The following PIK3AP1 variants were observed in gnomAD, a reference collection of about 807,000 sequenced individuals.
The protein encoded by PIK3AP1 is phosphoinositide 3-kinase adapter protein 1.
In PIK3AP1, 21 loss-of-function variants were observed where a neutral mutation model predicts 88.1. The observed-to-expected ratio is 0.24, with a 90% confidence interval of 0.17 to 0.34. PIK3AP1 has a LOEUF of 0.34. Ranked by LOEUF, PIK3AP1 falls within the 10% of genes least tolerant of loss-of-function variation. The pLI, the probability that PIK3AP1 is intolerant of heterozygous loss-of-function variation, is 1.00. For missense variants in PIK3AP1, 828 were observed against 1,035.7 expected (o/e 0.80, Z 2.75); for synonymous variants, 398 against 400.0 (o/e 1.00, Z 0.06).
At chr10:96,652,067 G>A (rs1003917140) in intron 4 of PIK3AP1, among the ~76,000 whole-genome samples, 28 of 151,978 alleles carry the variant, frequency 1.8e-4, no homozygotes, top group African/African-American at 6.8e-4. Flanking sequence ...CTGGCTCACT[G>A]CAAGTCATGA....
intron 6 of PIK3AP1, among the ~76,000 whole-genome samples, chr10:96,650,846 G>C (rs1843527533): frequency 6.6e-6 from 1 of 152,216 alleles, no homozygotes; most frequent in Non-Finnish European, 1.5e-5. Flanking sequence ...AGTGTGGAGA[G>C]AGATGAGGGC....
At position 96,704,628 on chromosome 10, in the gene PIK3AP1, G is replaced by A. The variant is rs905892742; in HGVS notation, c.430+4939C>T. Among the ~76,000 whole-genome samples, 8 of 151,880 alleles carry A rather than the reference G, an allele frequency of 5.3e-5. No individual in the cohort carries two copies. The East Asian group carries it at 1.5e-3, about 29-fold the overall frequency. ...ATCTACTTGGGAGGCTGAGGCAGGA[G>A]AATTGCTCGAACCCAGGGAGGCAGA... On this transcript the variant is annotated intron_variant, in intron 2 of 16. Coordinates refer to ENST00000339364, the MANE Select transcript of PIK3AP1 (RefSeq NM_152309.3).
rs190360129 is a variant in PIK3AP1, at chr10:96,608,706, T to C, written c.2170+1006A>G. ...ACATGCATACACCTGTGCATGTATC[T>C]GGGGGACACAGCCAAAGTATGTATC... On this transcript the variant is annotated intron_variant, in intron 14 of 16. Transcript: ENST00000339364. Among the ~76,000 whole-genome samples, 94 of 152,330 alleles carry C rather than the reference T, an allele frequency of 6.2e-4. 1 individual carries two copies. Among genetic ancestry groups the C allele is most frequent in the Non-Finnish European group, 5.7e-4 (39 of 68,038 alleles).
chr10:96,642,078 C>G (rs910217577), intron 8 of PIK3AP1, among the ~76,000 whole-genome samples: 6 of 152,070 alleles, frequency 3.9e-5, no homozygotes, highest in African/African-American at 1.2e-4. Flanking sequence ...GACAGAAACA[C>G]AAACCAAACC....
intron 14 of PIK3AP1, among the ~76,000 whole-genome samples, chr10:96,605,645 G>A (rs1848989807): frequency 1.3e-5 from 2 of 152,174 alleles, no homozygotes; most frequent in Admixed American, 6.5e-5. Context: ...CTGCATTCTG[G>A]TATCAACTTT....
chr10:96,645,242 C>T (rs866290105), intron 8 of PIK3AP1, among the ~76,000 whole-genome samples: 2 of 152,172 alleles, frequency 1.3e-5, no homozygotes, highest in Non-Finnish European at 2.9e-5. Context: ...TCAATTCTGA[C>T]TTCCAGATAT....
chr10:96,665,056 G>A (rs929707028), intron 2 of PIK3AP1, among the ~76,000 whole-genome samples: 3 of 152,122 alleles, frequency 2.0e-5, no homozygotes, highest in African/African-American at 7.2e-5. Context: ...CCTGAGACTC[G>A]AATAATAATG....
intron 7 of PIK3AP1, among the ~76,000 whole-genome samples, chr10:96,647,690 C>A (rs1843478715): frequency 6.6e-6 from 1 of 152,198 alleles, no homozygotes; most frequent in African/African-American, 2.4e-5. Flanking sequence ...TTTTCCAACA[C>A]AGAGCAGAGA....
chr10:96,679,589 A>G (rs960225059), intron 2 of PIK3AP1, among the ~76,000 whole-genome samples: 2 of 152,222 alleles, frequency 1.3e-5, no homozygotes, highest in African/African-American at 4.8e-5. Flanking sequence ...CCAACCTTGC[A>G]GAATCTGTTA....
intron 8 of PIK3AP1, among the ~76,000 whole-genome samples, chr10:96,635,646 T>C (rs1396455046): frequency 1.3e-5 from 2 of 152,242 alleles, no homozygotes; most frequent in Non-Finnish European, 2.9e-5. Context: ...GACTCATGTC[T>C]GTAATCCCAG....
intron 2 of PIK3AP1, among the ~76,000 whole-genome samples, chr10:96,670,062 C>T (rs1382089836): frequency 1.3e-5 from 2 of 150,056 alleles, no homozygotes; most frequent in African/African-American, 4.9e-5. Context: ...GTAGTCCCAG[C>T]TACTCGGGAA....
At chr10:96,618,613 GAA>G (rs1825896309) in intron 12 of PIK3AP1, 2 of 149,770 alleles carry the variant, frequency 1.3e-5, no homozygotes, top group East Asian at 3.9e-4. Flanking sequence ...AAGAAAAAAA[GAA>G]AGAGAGCTAA....
At chr10:96,714,837 T>C (rs987521466) in intron 1 of PIK3AP1, among the ~76,000 whole-genome samples, 3 of 152,192 alleles carry the variant, frequency 2.0e-5, no homozygotes, top group Non-Finnish European at 4.4e-5. Flanking sequence ...CAGGAGTCCA[T>C]ACTGATACAA....
intron 2 of PIK3AP1, among the ~76,000 whole-genome samples, chr10:96,662,724 C>CA (rs1357834715): frequency 1.4e-5 from 2 of 145,968 alleles, no homozygotes; most frequent in African/African-American, 2.5e-5. Context: ...ACTAAAAATA[C>CA]AAAAAAAATT....
chr10:96,670,907 A>G (rs1003833589), intron 2 of PIK3AP1, among the ~76,000 whole-genome samples: 26 of 152,146 alleles, frequency 1.7e-4, no homozygotes, highest in Admixed American at 5.2e-4. Context: ...AAATAACACA[A>G]ACGAGTGGCT....
intron 16 of PIK3AP1, among the ~76,000 whole-genome samples, chr10:96,597,271 T>TTCCC (rs1848776068): frequency 9.3e-6 from 1 of 107,530 alleles, no homozygotes; most frequent in African/African-American, 4.1e-5. Context: ...TCTTTCTTTC[T>TTCCC]TTCCTTCCTT....
At position 96,616,653 on chromosome 10, in the gene PIK3AP1, G is replaced by A. The variant is rs1292866931; in HGVS notation, c.2000C>T (p.Ser667Leu). 17 of 1,614,018 alleles carry A rather than the reference G, an allele frequency of 1.1e-5. No individual in the cohort carries two copies. Among genetic ancestry groups the A allele is most frequent in the Non-Finnish European group, 1.4e-5 (17 of 1,180,014 alleles). Residue 667 changes from serine (S) to leucine (L), a missense_variant, in exon 13 of 17, where the codon TCA becomes TTA. By Grantham distance (145) the Ser-to-Leu change is moderately radical (BLOSUM62 -2). Around this residue, in one of 3 missense-constraint regions of PIK3AP1, gnomAD observed 191 missense variants for 208.6 expected, o/e 0.92. Coordinates refer to ENST00000339364, the MANE Select transcript of PIK3AP1 (RefSeq NM_152309.3). ...ITRRQREKQK[S>L]GKQTDLEITV... ...AAGCCACATACCTGTCTGCTTTCCTGATTTTTGCTTCTCTCTCTGTCTTCG... is the reference window on the plus strand; with the variant it reads ...AAGCCACATACCTGTCTGCTTTCCTAATTTTTGCTTCTCTCTCTGTCTTCG...
intron 2 of PIK3AP1, among the ~76,000 whole-genome samples, chr10:96,665,774 G>A (rs555687448): frequency 6.6e-6 from 1 of 152,286 alleles, no homozygotes; most frequent in Non-Finnish European, 1.5e-5. Flanking sequence ...AGGAAAGAAG[G>A]GGGCAGGATG....
chr10:96,648,100 C>T (rs772267615), intron 7 of PIK3AP1, among the ~76,000 whole-genome samples: 3 of 152,116 alleles, frequency 2.0e-5, no homozygotes, highest in Non-Finnish European at 4.4e-5. Flanking sequence ...GGAGGTGGGC[C>T]TTAGAGTTGC....
Sources: allele counts gnomAD v4.1 joint callset (sites outside exome capture counted in the v4.1 genomes callset), GRCh38; gene constraint gnomAD v4.1.1; regional missense constraint gnomAD v4.1.1; transcripts MANE v1.5; gene names NCBI Gene and HGNC (gene_info 2026-07-23, HGNC 2026-07-21).